Variants in NEK7 observed in about 807,000 individuals in gnomAD.
NEK7 encodes NIMA related kinase 7.
In NEK7, 18 loss-of-function variants were observed where a neutral mutation model predicts 44.6. That is an observed-to-expected ratio of 0.40 (90% CI 0.28 to 0.60). NEK7 has a LOEUF of 0.60. Among genes scored for constraint, NEK7 ranks in the 20% least tolerant of loss-of-function variants. The probability of loss-of-function intolerance (pLI) is 0.38; values close to 1 mark genes in which losing one functional copy is unlikely to be tolerated. For missense variants in NEK7, 256 were observed against 366.5 expected (o/e 0.70, Z 2.46); for synonymous variants, 130 against 121.1 (o/e 1.07, Z -0.48).
chr1:198,209,389 A>G (rs941933793), intron 1 of NEK7, among the ~76,000 whole-genome samples: 1 of 152,142 alleles, frequency 6.6e-6, no homozygotes, highest in African/African-American at 2.4e-5. Context: ...TATTTACTAT[A>G]TGTTTATCCC....
intron 3 of NEK7, chr1:198,256,362 G>T (rs575724620): frequency 6.2e-6 from 10 of 1,611,722 alleles, no homozygotes; most frequent in Non-Finnish European, 8.5e-6. Context: ...AGAAGAGTGT[G>T]TGCGCTAAAT....
intron 9 of NEK7, among the ~76,000 whole-genome samples, chr1:198,298,991 C>T (rs1415143738): frequency 1.3e-5 from 2 of 152,196 alleles, no homozygotes; most frequent in Non-Finnish European, 2.9e-5. Flanking sequence ...ATATCAAAGT[C>T]TGGCCCAGAT....
rs1049392766 is a variant in NEK7 at position 198,278,025 on chromosome 1, G to C, written c.437G>C (p.Cys146Ser). 7.5e-6 allele frequency: 12 copies of C among 1,605,084 alleles called. No individual in the cohort carries two copies. Among genetic ancestry groups the C allele is most frequent in the African/African-American group, 2.7e-5 (2 of 74,624 alleles). The change falls in exon 6 of 10, where the codon TGC (cysteine) becomes TCC (serine). Residue 146 changes from cysteine to serine, a missense_variant. Physicochemically the swap from Cys to Ser is moderately radical, Grantham distance 112. This residue lies in a region of NEK7 where 102 missense variants were observed against 205.2 expected (regional missense o/e 0.50). Transcript: ENST00000367385. ...RTVWKYFVQL[C>S]SALEHMHSRR... ...GTTTGGAAGTATTTTGTTCAGCTTT[G>C]CAGTGCATTGGAACACATGCATTCT...
At chr1:198,291,602 C>T (rs944726836) in intron 7 of NEK7, among the ~76,000 whole-genome samples, 9 of 151,654 alleles carry the variant, frequency 5.9e-5, no homozygotes, top group African/African-American at 1.7e-4. Flanking sequence ...ATTAATAGTT[C>T]GTATTTTATT....
chr1:198,160,379 A>G (rs1475757484), intron 1 of NEK7, among the ~76,000 whole-genome samples: 1 of 152,068 alleles, frequency 6.6e-6, no homozygotes, highest in Non-Finnish European at 1.5e-5. Context: ...TAAAAAATAC[A>G]CAGTGTAGCT....
chr1:198,178,999 C>CTT (rs1182914467), intron 1 of NEK7, among the ~76,000 whole-genome samples: 5 of 136,248 alleles, frequency 3.7e-5, no homozygotes, highest in South Asian at 4.7e-4. Context: ...TACCCCCCCC[C>CTT]TTTTTTTTTT....
At chr1:198,226,406 G>C (rs1245816207) in intron 1 of NEK7, among the ~76,000 whole-genome samples, 2 of 151,790 alleles carry the variant, frequency 1.3e-5, no homozygotes, top group African/African-American at 2.4e-5. Context: ...TTAGCTGGGC[G>C]TGGTGGCACA....
chr1:198,238,542 G>A (rs1447211177), intron 2 of NEK7, among the ~76,000 whole-genome samples: 1 of 152,132 alleles, frequency 6.6e-6, no homozygotes, highest in Non-Finnish European at 1.5e-5. Flanking sequence ...AGTGTTTACT[G>A]ATTATTGTGC....
chr1:198,255,483 CAGAA>C (rs1273825020), intron 3 of NEK7, among the ~76,000 whole-genome samples: 3 of 151,448 alleles, frequency 2.0e-5, no homozygotes, highest in Non-Finnish European at 2.9e-5. Context: ...TCATTAGAAA[CAGAA>C]AGAAAGAAGG....
At chr1:198,227,554 C>G (rs997878301) in intron 1 of NEK7, among the ~76,000 whole-genome samples, 9 of 152,192 alleles carry the variant, frequency 5.9e-5, no homozygotes, top group Admixed American at 3.9e-4. Context: ...TTTTAATGAT[C>G]GCCATTCTAA....
chr1:198,222,164 A>G (rs562484218), intron 1 of NEK7, among the ~76,000 whole-genome samples: 54 of 152,184 alleles, frequency 3.5e-4, no homozygotes, highest in African/African-American at 1.3e-3. Context: ...ATATGTGACC[A>G]TATGCAATAA....
At chr1:198,185,190 A>ATTTT (rs919588030) in intron 1 of NEK7, among the ~76,000 whole-genome samples, 79 of 83,764 alleles carry the variant, frequency 9.4e-4, no homozygotes, top group East Asian at 2.9e-3. Context: ...CATGCTGTCT[A>ATTTT]TTTTTTTTTT....
At chr1:198,308,825 C>G (rs1655089373) in intron 9 of NEK7, among the ~76,000 whole-genome samples, 1 of 152,048 alleles carries the variant, frequency 6.6e-6, no homozygotes. Flanking sequence ...TCTGTTACCT[C>G]TGCTTAGAAT....
chr1:198,172,960 A>G (rs781618552), intron 1 of NEK7, among the ~76,000 whole-genome samples: 62 of 152,234 alleles, frequency 4.1e-4, no homozygotes, highest in Non-Finnish European at 7.1e-4. Flanking sequence ...TTGGAATATC[A>G]TGGGATATGT....
In NEK7 at chr1:198,319,776, G is replaced by A. The variant is rs1026752745; in HGVS notation, c.*254G>A. ...ACATGATGGTTTTGAATGGCTAAAG[G>A]TTTATAGAATTTCTTACAGTTTTCT... On this transcript the variant is annotated 3_prime_UTR_variant, in exon 10 of 10. Transcript: ENST00000367385. 1.9e-5 allele frequency: 6 copies of A among 318,412 alleles called. No individual in the cohort carries two copies. The highest frequency in any genetic ancestry group is 1.1e-4 in the African/African-American group (5 of 46,752). 19.7% of individuals were successfully genotyped at this position (318,412 alleles called of 1,614,324 possible). A position where few individuals can be genotyped will look rare whatever the true frequency, so the allele number is the denominator to read the frequency against.
intron 1 of NEK7, among the ~76,000 whole-genome samples, chr1:198,225,595 A>T (rs1666196381): frequency 6.6e-6 from 1 of 152,058 alleles, no homozygotes; most frequent in Non-Finnish European, 1.5e-5. Flanking sequence ...TCAAATGGAT[A>T]TCATAATTTT....
chr1:198,317,900 T>TC (rs1655422779), intron 9 of NEK7, among the ~76,000 whole-genome samples: 2 of 148,548 alleles, frequency 1.3e-5, no homozygotes, highest in Admixed American at 1.3e-4. Context: ...TTTTTTTTTT[T>TC]GGTAACCTGG....
At chr1:198,165,365 A>G (rs929277981) in intron 1 of NEK7, among the ~76,000 whole-genome samples, 4 of 152,256 alleles carry the variant, frequency 2.6e-5, no homozygotes, top group African/African-American at 9.6e-5. Context: ...TATAGATTTA[A>G]GAAATGTATT....
intron 1 of NEK7, among the ~76,000 whole-genome samples, chr1:198,181,746 C>T (rs906581847): frequency 2.6e-5 from 4 of 152,008 alleles, no homozygotes; most frequent in Non-Finnish European, 5.9e-5. Flanking sequence ...TCATGTAGTG[C>T]CATTACTGAA....
Sources: allele counts gnomAD v4.1 joint callset (sites outside exome capture counted in the v4.1 genomes callset), GRCh38; gene constraint gnomAD v4.1.1; regional missense constraint gnomAD v4.1.1; transcripts MANE v1.5; gene names NCBI Gene and HGNC (gene_info 2026-07-23, HGNC 2026-07-21).